Variants in MGAT5B observed in about 807,000 individuals in gnomAD.
The protein encoded by MGAT5B is alpha-1,6-mannosylglycoprotein 6-beta-N-acetylglucosaminyltransferase B, also known as N-acetylglucosaminyl-transferase Vb.
A neutral mutation model predicts 95.1 loss-of-function variants in MGAT5B; 54 were observed. The ratio of observed to expected loss-of-function variants is 0.57; its 90% CI spans 0.46 to 0.71. The LOEUF (loss-of-function observed/expected upper bound fraction) is 0.71, where lower values mean the gene tolerates loss of function less well. Ranked by LOEUF, MGAT5B falls within the 30% of genes least tolerant of loss-of-function variation. The pLI, the probability that MGAT5B is intolerant of heterozygous loss-of-function variation, is 0.00. For synonymous variants in MGAT5B, 464 were observed against 451.0 expected, an observed-to-expected ratio of 1.03 and a Z score of -0.36; for missense variants, 935 against 1,088.6, an observed-to-expected ratio of 0.86 and a Z score of 1.99.
At chr17:76,939,029 G>GGGTGTGTGTGTGT (rs1237086611) in intron 13 of MGAT5B, among the ~76,000 whole-genome samples, 16 of 128,190 alleles carry the variant, frequency 1.2e-4, no homozygotes, top group Non-Finnish European at 2.4e-4. Context: ...GCATCTTGGG[G>GGGTGTGTGTGTGT]GTGTGTGTGT....
chr17:76,889,495 C>G lies in MGAT5B; in HGVS notation c.329+7197C>G, dbSNP rs184391312. On this transcript the variant is annotated intron_variant, in intron 3 of 17. Transcript: ENST00000569840. This position sits in a 1 kb window ranked among gnomAD's most constrained non-coding sequence, Gnocchi z 4.4. ...AAGCTGTCTCGGGCCACCGTGGGTA[C>G]CTTCACTGGGAGAGAGGCGTGTGGT... Among the ~76,000 whole-genome samples, 56 of 152,272 alleles carry G rather than the reference C, an allele frequency of 3.7e-4. No individual in the cohort carries two copies. The highest frequency in any genetic ancestry group is 1.3e-3 in the African/African-American group (52 of 41,560).
chr17:76,939,632 G>A (rs35392439), intron 13 of MGAT5B, among the ~76,000 whole-genome samples: 1 of 152,150 alleles, frequency 6.6e-6, no homozygotes, highest in South Asian at 2.1e-4. Context: ...AGGTAGTGAG[G>A]ATAGTACCCA....
rs184952204 is a variant in MGAT5B at position 76,888,751 on chromosome 17, C to T, written c.329+6453C>T. Among the ~76,000 whole-genome samples the T allele has an allele frequency of 1.4e-4, 21 of 152,210 alleles. 1 individual carries two copies. In the East Asian group the frequency reaches 3.5e-3, roughly 25 times the overall value. On this transcript the variant is annotated intron_variant, in intron 3 of 17. Transcript: ENST00000569840. ...GAAGGGAGTTGAGGATTGGGGCCTG[C>T]GAGGAAGTAGTGACCTGCCACTGGC...
intron 10 of MGAT5B, among the ~76,000 whole-genome samples, chr17:76,931,298 C>T (rs532456299): frequency 3.3e-5 from 5 of 152,206 alleles, no homozygotes; most frequent in South Asian, 2.1e-4. Context: ...GGTTTTGCCA[C>T]GTTGGCCAGG....
rs193154668 is a variant in MGAT5B, at chr17:76,874,932, C to T, written c.181+1969C>T. ...ATTGGACTAGAGGTGTGTGTGCATTCGTGTGTACATGTGCATGTGTGTGCA... is the reference window on the plus strand; with the variant it reads ...ATTGGACTAGAGGTGTGTGTGCATTTGTGTGTACATGTGCATGTGTGTGCA... On this transcript the variant is annotated intron_variant, in intron 2 of 17. Coordinates refer to ENST00000569840, the MANE Select transcript of MGAT5B (RefSeq NM_001199172.2). Among the ~76,000 whole-genome samples, 12 of 152,180 alleles carry T rather than the reference C, an allele frequency of 7.9e-5. No individual in the cohort carries two copies. The East Asian group carries it at 2.3e-3, about 29-fold the overall frequency.
chr17:76,926,587 G>T lies in MGAT5B; in HGVS notation c.1158-10G>T, dbSNP rs540644118. On this transcript the variant is annotated splice_polypyrimidine_tract_variant and intron_variant, in intron 9 of 17. Coordinates refer to ENST00000569840, the MANE Select transcript of MGAT5B (RefSeq NM_001199172.2). Reference sequence around the variant, plus strand: ...TGCTGACCCTGGTTCCTGGTCCCCTGGGGGGGCAGGTGCCGAATCAGGGTC... The same window carrying T: ...TGCTGACCCTGGTTCCTGGTCCCCTTGGGGGGCAGGTGCCGAATCAGGGTC... 2 of 1,601,082 alleles carry T rather than the reference G, an allele frequency of 1.2e-6. No individual in the cohort carries two copies. The highest frequency in any genetic ancestry group is 2.7e-5 in the African/African-American group (2 of 74,858).
chr17:76,932,368 A>C (rs1421757660), intron 10 of MGAT5B, among the ~76,000 whole-genome samples: 1 of 152,086 alleles, frequency 6.6e-6, no homozygotes, highest in Non-Finnish European at 1.5e-5. Context: ...TCCTGGGCTC[A>C]AGGGATCCTC....
In MGAT5B at chr17:76,948,139, G is replaced by A. The variant is rs978523056; in HGVS notation, c.2180+53G>A. On this transcript the variant is annotated intron_variant, in intron 17 of 17. Coordinates refer to ENST00000569840, the MANE Select transcript of MGAT5B (RefSeq NM_001199172.2). The stretch of plus-strand genomic sequence containing the variant: ...AGCCGCTATCATCGCTGGCCCAGCC[G>A]GGTTCACTGAGAGCTCTCATGCCCA... 1.3e-4 allele frequency: 199 copies of A among 1,478,268 alleles called. 1 individual carries two copies. The East Asian group carries it at 4.4e-3, about 33-fold the overall frequency. The allele number at this position is 1,478,268 out of a possible 1,614,324, so 91.6% of individuals were successfully genotyped here.
At chr17:76,879,414 G>A (rs572024865) in intron 2 of MGAT5B, among the ~76,000 whole-genome samples, 16 of 152,314 alleles carry the variant, frequency 1.1e-4, no homozygotes, top group African/African-American at 3.6e-4. Flanking sequence ...CCACGGCACC[G>A]CTATGGTGTC....
chr17:76,946,920 G>A (rs958904327), intron 16 of MGAT5B, among the ~76,000 whole-genome samples: 2 of 152,232 alleles, frequency 1.3e-5, no homozygotes, highest in African/African-American at 4.8e-5. Flanking sequence ...CTCAGCCCCC[G>A]AGGGAGCGCC....
chr17:76,944,774 C>G (rs935216127), intron 15 of MGAT5B, among the ~76,000 whole-genome samples: 1 of 152,220 alleles, frequency 6.6e-6, no homozygotes, highest in African/African-American at 2.4e-5. Flanking sequence ...TCCCCTTGGC[C>G]AGAGGCCCCA....
intron 3 of MGAT5B, among the ~76,000 whole-genome samples, chr17:76,892,240 G>A (rs1418399984): frequency 6.6e-6 from 1 of 152,188 alleles, no homozygotes; most frequent in Non-Finnish European, 1.5e-5. Context: ...GGGAGATGGG[G>A]TTTCACCATG....
chr17:76,886,125 C>A (rs1967621572), intron 3 of MGAT5B, among the ~76,000 whole-genome samples: 1 of 152,174 alleles, frequency 6.6e-6, no homozygotes, highest in Non-Finnish European at 1.5e-5. Context: ...ATCCTCAAGC[C>A]AAATAGTAAT....
At chr17:76,924,857 G>C in intron 8 of MGAT5B, 109 bp from the exon 9 acceptor site, 1 of 1,375,690 alleles carries the variant, frequency 7.3e-7, no homozygotes, top group Non-Finnish European at 1.0e-6. Context: ...GAGAGTCTGT[G>C]CTAAGCTCTC....
intron 12 of MGAT5B, among the ~76,000 whole-genome samples, chr17:76,936,763 C>G (rs1969686896): frequency 6.6e-6 from 1 of 152,164 alleles, no homozygotes; most frequent in Non-Finnish European, 1.5e-5. Flanking sequence ...GTGTGTGGGT[C>G]TATTTCTGGA....
intron 5 of MGAT5B, 83 bp from the exon 6 acceptor site, chr17:76,904,169 C>T: frequency 7.1e-7 from 1 of 1,400,554 alleles, no homozygotes. Context: ...GACCTCAGGA[C>T]CCCTGGGGGT....
chr17:76,925,096 C>T lies in MGAT5B; in HGVS notation c.1156C>T (p.Arg386Trp), dbSNP rs754324770. Residue 386 changes from arginine to tryptophan, a missense_variant and splice_region_variant, in exon 9 of 18, where the codon CGG becomes TGG. Physicochemically the swap from Arg to Trp is moderately radical, Grantham distance 101. Coordinates refer to ENST00000569840, the MANE Select transcript of MGAT5B (RefSeq NM_001199172.2). ...CATGGGACTCTCCTTCAAGAAGTACCGGTGAGAGGGCGGCCAGAGGGTGGG... is the reference window on the plus strand; with the variant it reads ...CATGGGACTCTCCTTCAAGAAGTACTGGTGAGAGGGCGGCCAGAGGGTGGG... ...RHMGLSFKKYRCRIRVIDTFG... is the reference protein window; with the variant it reads ...RHMGLSFKKYWCRIRVIDTFG... 5.0e-6 allele frequency: 8 copies of T among 1,610,770 alleles called. No individual in the cohort carries two copies. Among genetic ancestry groups the T allele is most frequent in the East Asian group, 2.2e-5 (1 of 44,716 alleles).
Position 76,905,139 on chromosome 17 carries a change from G to A in MGAT5B, c.691-30G>A, listed in dbSNP as rs759283196. 44 of 1,577,770 alleles carry A rather than the reference G, an allele frequency of 2.8e-5. No individual in the cohort carries two copies. The South Asian group carries it at 4.9e-4, about 18-fold the overall frequency. ...GAATGATGGTGGCCGCAGGTTGAGG[G>A]GCAGAGAGCTGAGGTCTGGACCCCT... On this transcript the variant is annotated intron_variant, in intron 6 of 17. Transcript: ENST00000569840. The surrounding 1 kb of genome is among the most constrained non-coding windows in gnomAD (Gnocchi z 4.2).
rs889655243 is a variant in MGAT5B at position 76,916,931 on chromosome 17, T to TA, written c.1026-8034dup. ...GTCAAACTCAGGGGTTCCCGCCTCTTAGAAACTGGGGCCAGGGCTGGTCTG... is the reference window on the plus strand; with the variant it reads ...GTCAAACTCAGGGGTTCCCGCCTCTTAAGAAACTGGGGCCAGGGCTGGTCTG... On this transcript the variant is annotated intron_variant, in intron 8 of 17. Transcript: ENST00000569840. The surrounding 1 kb of genome is among the most constrained non-coding windows in gnomAD (Gnocchi z 5.3). 1.3e-5 allele frequency among the ~76,000 whole-genome samples: 2 copies of TA among 152,060 alleles called. No homozygotes were observed. The highest frequency in any genetic ancestry group is 4.8e-5 in the African/African-American group (2 of 41,394).
Sources: allele counts gnomAD v4.1 joint callset (sites outside exome capture counted in the v4.1 genomes callset), GRCh38; gene constraint gnomAD v4.1.1; non-coding constraint Gnocchi (gnomAD v3.1); transcripts MANE v1.5; gene names NCBI Gene and HGNC (gene_info 2026-07-23, HGNC 2026-07-21).